The following SLC12A2 variants were observed in gnomAD, a reference collection of about 807,000 sequenced individuals.
The protein encoded by SLC12A2 is solute carrier family 12 member 2.
SLC12A2 carries 67 observed loss-of-function variants against 136.3 expected under a neutral mutation model. The ratio of observed to expected loss-of-function variants is 0.49; its 90% CI spans 0.40 to 0.60. The LOEUF (loss-of-function observed/expected upper bound fraction) is 0.60, where lower values mean the gene tolerates loss of function less well. Among genes scored for constraint, SLC12A2 ranks in the 20% least tolerant of loss-of-function variants. The pLI, the probability that SLC12A2 is intolerant of heterozygous loss-of-function variation, is 0.00. For missense variants in SLC12A2, 1,322 were observed against 1,534.7 expected (o/e 0.86, Z 2.32); for synonymous variants, 619 against 562.9 (o/e 1.10, Z -1.41).
chr5:128,171,628 T>G, intron 18 of SLC12A2, 39 bp from the exon 19 acceptor site: 1 of 1,362,572 alleles, frequency 7.3e-7, no homozygotes, highest in Non-Finnish European at 1.0e-6. Context: ...TTTGTGATTT[T>G]TTTTTTGGTT....
At chr5:128,136,218 T>A (rs1359791040) in intron 7 of SLC12A2, among the ~76,000 whole-genome samples, 3 of 152,132 alleles carry the variant, frequency 2.0e-5, no homozygotes, top group African/African-American at 7.2e-5. Context: ...TTTTCAAGAG[T>A]GCAGGCCATT....
chr5:128,091,624 C>T (rs1264937285), intron 1 of SLC12A2, among the ~76,000 whole-genome samples: 1 of 152,168 alleles, frequency 6.6e-6, no homozygotes, highest in East Asian at 1.9e-4. Flanking sequence ...AGCTGAGGCC[C>T]TCCTTTGTCT....
chr5:128,184,919 C>A, intron 26 of SLC12A2, 63 bp downstream of exon 26: 1 of 1,385,316 alleles, frequency 7.2e-7, no homozygotes. Context: ...GAATTAATTT[C>A]TATTCCAAGT....
At chr5:128,169,096 T>C (rs1763291421) in intron 18 of SLC12A2, 2 of 152,174 alleles carry the variant, frequency 1.3e-5, no homozygotes, top group African/African-American at 4.8e-5. Flanking sequence ...AAGATTTGCC[T>C]AACCTATTTA....
In SLC12A2 at chr5:128,180,252, G is replaced by A. The variant is rs1443579606; in HGVS notation, c.3101-631G>A. 3.3e-5 allele frequency among the ~76,000 whole-genome samples: 5 copies of A among 151,966 alleles called. No individual in the cohort carries two copies. The South Asian group carries it at 8.3e-4, about 25-fold the overall frequency. Reference sequence around the variant, plus strand: ...CCCAAAGTGCTGGGATTACAGGTGTGAGCCACCACGCCCAGCCCATTCTTT... The same window carrying A: ...CCCAAAGTGCTGGGATTACAGGTGTAAGCCACCACGCCCAGCCCATTCTTT... On this transcript the variant is annotated intron_variant, in intron 22 of 26. Transcript: ENST00000262461.
chr5:128,186,049 ATC>A (rs1352928202), intron 26 of SLC12A2, among the ~76,000 whole-genome samples: 3 of 152,012 alleles, frequency 2.0e-5, no homozygotes, highest in East Asian at 3.9e-4. Context: ...TTAAGACCCC[ATC>A]TCTCTTAAAA....
intron 1 of SLC12A2, among the ~76,000 whole-genome samples, chr5:128,095,328 T>A (rs1355668154): frequency 6.6e-6 from 1 of 151,006 alleles, no homozygotes; most frequent in Non-Finnish European, 1.5e-5. Flanking sequence ...TGGGTTTTTT[T>A]AGAAGGTCCT....
intron 15 of SLC12A2, 82 bp downstream of exon 15, chr5:128,152,887 A>C (rs2126724744): frequency 1.2e-6 from 1 of 859,912 alleles, no homozygotes; most frequent in South Asian, 1.4e-5. Context: ...ATTTTCATGT[A>C]CATTTCACAT....
chr5:128,147,582 T>C (rs202218586), intron 10 of SLC12A2, 40 bp from the exon 11 acceptor site: 50 of 1,279,520 alleles, frequency 3.9e-5, no homozygotes, highest in Admixed American at 1.7e-4. Flanking sequence ...CTGAATTGTT[T>C]GTGAGATTTA....
At chr5:128,126,243 C>T (rs912663015) in intron 4 of SLC12A2, among the ~76,000 whole-genome samples, 10 of 152,090 alleles carry the variant, frequency 6.6e-5, no homozygotes, top group African/African-American at 2.2e-4. Context: ...TCTAATAATC[C>T]AGTTTAAAAA....
At chr5:128,171,468 G>T (rs533529845) in intron 18 of SLC12A2, among the ~76,000 whole-genome samples, 199 bp from the exon 19 acceptor site, 2 of 152,110 alleles carry the variant, frequency 1.3e-5, no homozygotes, top group African/African-American at 4.8e-5. Flanking sequence ...GTTTTCAAGG[G>T]TATTACAGAA....
At chr5:128,117,675 A>T (rs1581078588) in intron 4 of SLC12A2, among the ~76,000 whole-genome samples, 1 of 152,312 alleles carries the variant, frequency 6.6e-6, no homozygotes, top group Non-Finnish European at 1.5e-5. Flanking sequence ...CAAAGAATTC[A>T]TGACCAAAAA....
Position 128,187,756 on chromosome 5 carries a change from T to C in SLC12A2, c.*1125T>C, listed in dbSNP as rs1350723233. The C allele has an allele frequency of 6.6e-6, 1 of 152,606 alleles. No individual in the cohort carries two copies. The highest frequency in any genetic ancestry group is 1.5e-5 in the Non-Finnish European group (1 of 68,004). 9.5% of individuals were successfully genotyped at this position (152,606 alleles called of 1,614,324 possible). A position where few individuals can be genotyped will look rare whatever the true frequency, so the allele number is the denominator to read the frequency against. ...GATTATTCTGAATATTAAAATTTAA[T>C]CCATTCTTAATATTTTAAAACTTTT... On this transcript the variant is annotated 3_prime_UTR_variant, in exon 27 of 27. Coordinates refer to ENST00000262461, the MANE Select transcript of SLC12A2 (RefSeq NM_001046.3).
At chr5:128,133,191 A>G (rs1252696655) in intron 5 of SLC12A2, among the ~76,000 whole-genome samples, 1 of 152,100 alleles carries the variant, frequency 6.6e-6, no homozygotes, top group Non-Finnish European at 1.5e-5. Flanking sequence ...TTGCAAAGTA[A>G]AAAGTATGTA....
intron 5 of SLC12A2, among the ~76,000 whole-genome samples, chr5:128,132,757 A>G (rs1762067833): frequency 6.6e-6 from 1 of 152,182 alleles, no homozygotes; most frequent in South Asian, 2.1e-4. Flanking sequence ...GGATGAAGAA[A>G]AAGGGCTATA....
At chr5:128,131,032 G>C in intron 4 of SLC12A2, 35 bp from the exon 5 acceptor site, 1 of 1,603,408 alleles carries the variant, frequency 6.2e-7, no homozygotes, top group Non-Finnish European at 8.5e-7. Flanking sequence ...CCTAACTTTA[G>C]TACCTGTTTT....
intron 7 of SLC12A2, 128 bp downstream of exon 7, chr5:128,135,936 C>T: frequency 1.5e-6 from 1 of 668,732 alleles, no homozygotes; most frequent in South Asian, 1.7e-5. Flanking sequence ...CCCTAATTTA[C>T]AATTTAGTTT....
intron 22 of SLC12A2, among the ~76,000 whole-genome samples, chr5:128,178,927 A>ATATT (rs1763617314): frequency 6.6e-6 from 1 of 152,114 alleles, no homozygotes; most frequent in African/African-American, 2.4e-5. Context: ...CTTTTTTTTA[A>ATATT]TATGAACCAT....
intron 10 of SLC12A2, among the ~76,000 whole-genome samples, chr5:128,142,227 C>T (rs905210468): frequency 2.0e-5 from 3 of 152,140 alleles, no homozygotes; most frequent in East Asian, 1.9e-4. Context: ...CCCAATCTCC[C>T]GCGTAGCTGG....
Sources: gnomAD v4.1 joint callset for allele counts (sites outside exome capture counted in the v4.1 genomes callset) on GRCh38, gnomAD v4.1.1 for gene constraint, MANE v1.5 for transcripts, NCBI Gene and HGNC (gene_info 2026-07-23, HGNC 2026-07-21) for gene names.